The following MEGF6 variants were observed in gnomAD, a reference collection of about 807,000 sequenced individuals.
The protein encoded by MEGF6 is multiple EGF like domains 6, also known as multiple epidermal growth factor-like domains protein 6.
MEGF6 carries 184 observed loss-of-function variants against 207.1 expected under a neutral mutation model. The observed-to-expected ratio is 0.89, with a 90% CI of 0.79 to 1.00. The LOEUF (loss-of-function observed/expected upper bound fraction) is 1.00. Among genes scored for constraint, MEGF6 ranks in the 50% least tolerant of loss-of-function variants. MEGF6 has a pLI of 0.00. For missense variants in MEGF6, 2,282 were observed against 2,202.9 expected, an observed-to-expected ratio of 1.04 and a Z score of -0.72; for synonymous variants, 1,038 against 910.0, an observed-to-expected ratio of 1.14 and a Z score of -2.53.
Position 3,491,992 on chromosome 1 carries a change from C to T in MEGF6, c.4516+647G>A, listed in dbSNP as rs149951208. Among the ~76,000 whole-genome samples the T allele has an allele frequency of 2.4e-4, 37 of 152,114 alleles. No homozygotes were observed. In the East Asian group the frequency reaches 2.7e-3, roughly 11 times the overall value. ...GCACATGCATGCACTATTGCGCAGA[C>T]GCACTGGCTACATTCACACACTGAT... On this transcript the variant is annotated intron_variant, in intron 35 of 36. Coordinates refer to ENST00000356575, the MANE Select transcript of MEGF6 (RefSeq NM_001409.4).
At chr1:3,514,213 A>C (rs1294496132) in intron 7 of MEGF6, among the ~76,000 whole-genome samples, 2 of 150,986 alleles carry the variant, frequency 1.3e-5, no homozygotes, top group Non-Finnish European at 2.9e-5. Flanking sequence ...ACGCCACTGC[A>C]CTCCAGCCTG....
In MEGF6 at chr1:3,496,079, C is replaced by T. The variant is rs544981248; in HGVS notation, c.3743-61G>A. On this transcript the variant is annotated intron_variant, in intron 29 of 36. Coordinates refer to ENST00000356575, the MANE Select transcript of MEGF6 (RefSeq NM_001409.4). The stretch of plus-strand genomic sequence containing the variant: ...CCTTCTCTCCCTGCCCGGTCAACCC[C>T]GGAGTGGGGATAGGACAGGATGGGA... 19 of 1,460,196 alleles carry T rather than the reference C, an allele frequency of 1.3e-5. No individual in the cohort carries two copies. In the Admixed American group the frequency reaches 1.4e-4, roughly 11 times the overall value. 90.5% of individuals were successfully genotyped at this position (1,460,196 alleles called of 1,614,324 possible).
At position 3,508,553 on chromosome 1, in the gene MEGF6, C is replaced by G; in HGVS notation, c.1660+5G>C. ...CAGCCCCCAGCCCCTGCCCAGCTGCCTCACTCTCATTGCAGATGAGCCCAG... is the reference window on the plus strand; with the variant it reads ...CAGCCCCCAGCCCCTGCCCAGCTGCGTCACTCTCATTGCAGATGAGCCCAG... On this transcript the variant is annotated splice_donor_5th_base_variant and intron_variant, in intron 13 of 36. Transcript: ENST00000356575. 7 of 1,612,204 alleles carry G rather than the reference C, an allele frequency of 4.3e-6. No individual in the cohort carries two copies. Among genetic ancestry groups the G allele is most frequent in the Non-Finnish European group, 5.9e-6 (7 of 1,179,278 alleles).
rs117363220 is a variant in MEGF6, at chr1:3,554,197, G to A, written c.481+25628C>T. Among the ~76,000 whole-genome samples the A allele has an allele frequency of 1.1e-3, 170 of 152,268 alleles. 5 individuals are homozygous for A. The East Asian group carries it at 0.031, about 28-fold the overall frequency. ...TGCCATGCACCCTGCTGCATGCCGTGGGCAGGGGCACTAAGACGACACCTC... is the reference window on the plus strand; with the variant it reads ...TGCCATGCACCCTGCTGCATGCCGTAGGCAGGGGCACTAAGACGACACCTC... On this transcript the variant is annotated intron_variant, in intron 4 of 36. Coordinates refer to ENST00000356575, the MANE Select transcript of MEGF6 (RefSeq NM_001409.4).
intron 25 of MEGF6, 29 bp downstream of exon 25, chr1:3,498,669 A>T (rs373072139): frequency 5.2e-6 from 8 of 1,535,806 alleles, no homozygotes; most frequent in Non-Finnish European, 7.0e-6. Context: ...ATGCTGGGGT[A>T]TGTCCCTCCT....
chr1:3,496,772 C>T lies in MEGF6; in HGVS notation c.3625G>A (p.Gly1209Arg), dbSNP rs773873174. Reference sequence around the variant, plus strand: ...TGTTCACAGCCTGGCCCATACCGCCCGGGCGGACATCCTGCAGGGAGAGGG... The same window carrying T: ...TGTTCACAGCCTGGCCCATACCGCCTGGGCGGACATCCTGCAGGGAGAGGG... ...GPSCQQRCPP[G>R]RYGPGCEQLC... Residue 1209 changes from glycine (G) to arginine (R), a missense_variant, in exon 29 of 37, where the codon GGG becomes AGG. Gly to Arg is a moderately radical substitution (Grantham distance 125). Transcript: ENST00000356575. 2.3e-5 allele frequency: 36 copies of T among 1,557,436 alleles called. 1 individual carries two copies. The Admixed American group carries it at 3.7e-4, about 16-fold the overall frequency.
At chr1:3,619,650 G>A in the MEGF6 span, among the ~76,000 whole-genome samples, 2 of 152,048 alleles carry the variant, frequency 1.3e-5, no homozygotes, top group South Asian at 2.1e-4. Context: ...TTCATCTTCC[G>A]CCATGACTGT....
At chr1:3,620,060 T>C in the MEGF6 span, among the ~76,000 whole-genome samples, 1 of 128,196 alleles carries the variant, frequency 7.8e-6, no homozygotes, top group Non-Finnish European at 1.9e-5. Context: ...AGGAGCATTT[T>C]GTCCCTGCCC....
At chr1:3,510,938 G>T in intron 9 of MEGF6, 36 bp from the exon 10 acceptor site, 1 of 1,577,092 alleles carries the variant, frequency 6.3e-7, no homozygotes, top group Non-Finnish European at 8.7e-7. Context: ...CTGGTACCAG[G>T]CACCTGCACG....
chr1:3,488,918 T>G lies in MEGF6; in HGVS notation c.*1610A>C, dbSNP rs1408737807. Among the ~76,000 whole-genome samples the G allele has an allele frequency of 1.3e-5, 2 of 152,352 alleles. No homozygotes were observed. Among genetic ancestry groups the G allele is most frequent in the South Asian group, 2.1e-4 (1 of 4,830 alleles). On this transcript the variant is annotated 3_prime_UTR_variant, in exon 37 of 37. Coordinates refer to ENST00000356575, the MANE Select transcript of MEGF6 (RefSeq NM_001409.4). ...TCATGTCAATGACTTCTTACTTTTG[T>G]ATTTTGCAGTTAGATGGATGTGAAT...
chr1:3,582,651 G>A (rs60490092), intron 3 of MEGF6, among the ~76,000 whole-genome samples: 1,910 of 152,190 alleles, frequency 0.013, 42 homozygotes, highest in African/African-American at 0.043. Flanking sequence ...ACAAAACACC[G>A]CGGCCCCCAG....
chr1:3,587,465 G>A (rs1262313769), intron 3 of MEGF6, among the ~76,000 whole-genome samples: 1 of 152,262 alleles, frequency 6.6e-6, no homozygotes, highest in Non-Finnish European at 1.5e-5. Context: ...GTTGTGAAAT[G>A]TTTAACCTAT....
chr1:3,595,329 G>C lies in MEGF6; in HGVS notation c.376+9C>G, dbSNP rs760545407. 2 of 1,600,262 alleles carry C rather than the reference G, an allele frequency of 1.2e-6. No individual in the cohort carries two copies. The highest frequency in any genetic ancestry group is 1.7e-6 in the Non-Finnish European group (2 of 1,169,240). ...GGAGGGAGGGCGGGGAGGCGCAGGC[G>C]GCACTCACCCGAGAGGCAGCCCTCC... On this transcript the variant is annotated intron_variant, in intron 3 of 36. Coordinates refer to ENST00000356575, the MANE Select transcript of MEGF6 (RefSeq NM_001409.4).
At chr1:3,529,157 G>A (rs973032159) in intron 4 of MEGF6, among the ~76,000 whole-genome samples, 4 of 152,182 alleles carry the variant, frequency 2.6e-5, no homozygotes, top group Admixed American at 1.3e-4. Flanking sequence ...GGACCATCCC[G>A]TGCTGCCTAC....
At chr1:3,518,638 G>A (rs946648227) in intron 5 of MEGF6, among the ~76,000 whole-genome samples, 2 of 152,260 alleles carry the variant, frequency 1.3e-5, no homozygotes, top group South Asian at 4.1e-4. Context: ...CAGCCCAGTG[G>A]TTTCCAGGCC....
chr1:3,513,489 G>A (rs905532966), intron 7 of MEGF6, among the ~76,000 whole-genome samples: 4 of 151,524 alleles, frequency 2.6e-5, no homozygotes, highest in African/African-American at 9.7e-5. Flanking sequence ...TGTTGCCCAG[G>A]CTGGTCTTGA....
chr1:3,519,147 AC>A (rs907039339), intron 5 of MEGF6, among the ~76,000 whole-genome samples: 6 of 150,076 alleles, frequency 4.0e-5, no homozygotes, highest in African/African-American at 9.9e-5. Context: ...CACAACCCAC[AC>A]CCCAGCAAGG....
intron 4 of MEGF6, among the ~76,000 whole-genome samples, chr1:3,568,187 G>C (rs1213846588): frequency 1.3e-5 from 2 of 152,182 alleles, no homozygotes; most frequent in African/African-American, 4.8e-5. Flanking sequence ...GGGTGCAGAG[G>C]CTCCCAGAGA....
chr1:3,497,399 G>A, intron 26 of MEGF6, 38 bp from the exon 27 acceptor site: 1 of 1,488,630 alleles, frequency 6.7e-7, no homozygotes, highest in Non-Finnish European at 8.9e-7. Context: ...TTCTAGGAGG[G>A]GCCCGTGGGG....
Sources: gnomAD v4.1 joint callset for allele counts (sites outside exome capture counted in the v4.1 genomes callset) on GRCh38, gnomAD v4.1.1 for gene constraint, MANE v1.5 for transcripts, NCBI Gene and HGNC (gene_info 2026-07-23, HGNC 2026-07-21) for gene names.